CSTPP1: variants seen among roughly 807,000 people sequenced by gnomAD.
CSTPP1 encodes the protein centriolar satellite-associated tubulin polyglutamylase complex regulator 1.
chr11:47,154,016 T>C, the CSTPP1 span, among the ~76,000 whole-genome samples: 2 of 152,092 alleles, frequency 1.3e-5, no homozygotes, highest in East Asian at 1.9e-4. Context: ...CTCCGCTCAC[T>C]GCAACCTCCG....
At chr11:47,063,736 C>T in the CSTPP1 span, among the ~76,000 whole-genome samples, 2 of 152,144 alleles carry the variant, frequency 1.3e-5, no homozygotes, top group Non-Finnish European at 2.9e-5. Context: ...TTGATGGCCA[C>T]TTGGGTTGTT....
the CSTPP1 span, chr11:47,157,998 G>A: frequency 1.7e-5 from 22 of 1,283,390 alleles, no homozygotes; most frequent in African/African-American, 1.3e-4. Context: ...TTAGCAACAC[G>A]GCTCCAGAGG....
chr11:46,944,723 G>A, the CSTPP1 span, among the ~76,000 whole-genome samples: 1 of 152,086 alleles, frequency 6.6e-6, no homozygotes, highest in Non-Finnish European at 1.5e-5. Flanking sequence ...AATAATTAGG[G>A]TCCCTCCTAA....
the CSTPP1 span, among the ~76,000 whole-genome samples, chr11:46,975,559 T>C: frequency 1.3e-5 from 2 of 152,198 alleles, no homozygotes; most frequent in Non-Finnish European, 2.9e-5. Flanking sequence ...ACTTTAGCTT[T>C]TCTCGTCTCT....
chr11:47,062,714 G>A, the CSTPP1 span, among the ~76,000 whole-genome samples: 4 of 152,218 alleles, frequency 2.6e-5, no homozygotes, highest in African/African-American at 9.6e-5. Flanking sequence ...CTCCATGAAA[G>A]GTATCACAAA....
At chr11:47,052,114 C>T in the CSTPP1 span, 5 of 243,044 alleles carry the variant, frequency 2.1e-5, no homozygotes, top group Non-Finnish European at 3.1e-5. Flanking sequence ...CCTCCATATG[C>T]GTTGCTCGAA....
the CSTPP1 span, among the ~76,000 whole-genome samples, chr11:47,081,920 T>C: frequency 3.3e-5 from 5 of 149,834 alleles, no homozygotes; most frequent in African/African-American, 1.2e-4. Flanking sequence ...AAGAAATCTG[T>C]CTCTACAAAA....
chr11:47,000,882 T>A, the CSTPP1 span, among the ~76,000 whole-genome samples: 2 of 152,220 alleles, frequency 1.3e-5, no homozygotes, highest in South Asian at 4.1e-4. Context: ...ATCTTCACAG[T>A]TCTATATAAA....
At chr11:46,957,831 A>T in the CSTPP1 span, among the ~76,000 whole-genome samples, 5 of 152,164 alleles carry the variant, frequency 3.3e-5, no homozygotes, top group Non-Finnish European at 7.3e-5. Context: ...AATATCCTTA[A>T]CCTTTCCAAT....
the CSTPP1 span, among the ~76,000 whole-genome samples, chr11:47,113,717 G>C: frequency 6.6e-6 from 1 of 151,838 alleles, no homozygotes; most frequent in African/African-American, 2.4e-5. Context: ...TTGTAAATTT[G>C]TTTGAGTTCT....
the CSTPP1 span, among the ~76,000 whole-genome samples, chr11:46,991,305 T>A: frequency 6.6e-6 from 1 of 151,850 alleles, no homozygotes; most frequent in African/African-American, 2.4e-5. Context: ...TGAGATTCCC[T>A]AGCTCTTTTG....
At chr11:47,142,241 C>CAA in the CSTPP1 span, among the ~76,000 whole-genome samples, 1 of 127,764 alleles carries the variant, frequency 7.8e-6, no homozygotes, top group African/African-American at 2.9e-5. Context: ...GACTCCATCT[C>CAA]AAAAAAAAAA....
the CSTPP1 span, among the ~76,000 whole-genome samples, chr11:47,070,435 C>G: frequency 6.6e-6 from 1 of 152,194 alleles, no homozygotes; most frequent in Non-Finnish European, 1.5e-5. Context: ...GGGAGGTTGT[C>G]AAAAAGACAG....
the CSTPP1 span, among the ~76,000 whole-genome samples, chr11:47,150,883 GTTTTTTTTTTTT>G: frequency 1.7e-5 from 1 of 60,538 alleles, no homozygotes; most frequent in African/African-American, 5.1e-5. Flanking sequence ...GACTGTGAAG[GTTTTTTTTTTTT>G]TTTTTTTTTG....
the CSTPP1 span, among the ~76,000 whole-genome samples, chr11:46,938,459 G>T: frequency 1.3e-5 from 2 of 150,992 alleles, no homozygotes; most frequent in Non-Finnish European, 2.9e-5. Context: ...TGCATGTCAT[G>T]TATTCACCAT....
the CSTPP1 span, among the ~76,000 whole-genome samples, chr11:47,102,258 A>G: frequency 6.6e-6 from 1 of 152,174 alleles, no homozygotes. Flanking sequence ...TGGAATAACT[A>G]TTACTAACTA....
chr11:47,155,064 G>GCT, the CSTPP1 span: 28 of 914,190 alleles, frequency 3.1e-5, no homozygotes, highest in Admixed American at 1.1e-4. Context: ...CCCAGGAACA[G>GCT]CTCTCTCTCT....
chr11:47,060,738 C>T, the CSTPP1 span, among the ~76,000 whole-genome samples: 3 of 152,064 alleles, frequency 2.0e-5, no homozygotes, highest in Non-Finnish European at 2.9e-5. Flanking sequence ...TCTCACAAAT[C>T]GCCACTAAAG....
At chr11:47,133,415 T>G in the CSTPP1 span, among the ~76,000 whole-genome samples, 1 of 152,206 alleles carries the variant, frequency 6.6e-6, no homozygotes. Flanking sequence ...TGTGGGGGGA[T>G]CTAGAGAAGG....
Sources: gnomAD v4.1 joint callset for allele counts (sites outside exome capture counted in the v4.1 genomes callset) on GRCh38, gnomAD v4.1.1 for gene constraint, MANE v1.5 for transcripts, NCBI Gene and HGNC (gene_info 2026-07-23, HGNC 2026-07-21) for gene names.